Variants in CHRM2 observed in about 807,000 individuals in gnomAD.
CHRM2 encodes the protein muscarinic acetylcholine receptor M2.
Under a neutral mutation model 25.0 loss-of-function variants are expected in CHRM2, and 8 were observed. That is an observed-to-expected ratio of 0.32 (90% CI 0.19 to 0.58). The LOEUF (loss-of-function observed/expected upper bound fraction) is 0.58. Ranked by LOEUF, CHRM2 falls within the 20% of genes least tolerant of loss-of-function variation. CHRM2 has a pLI of 0.88. For missense variants in CHRM2, 440 were observed against 567.1 expected, an observed-to-expected ratio of 0.78 and a Z score of 2.28; for synonymous variants, 202 against 205.7, an observed-to-expected ratio of 0.98 and a Z score of 0.15.
At chr7:136,930,951 A>G (rs1479220469) in intron 2 of CHRM2, among the ~76,000 whole-genome samples, 1 of 148,918 alleles carries the variant, frequency 6.7e-6, no homozygotes, top group East Asian at 2.0e-4. Flanking sequence ...CTTACCACAT[A>G]TTACCTCTTT....
At chr7:136,920,026 T>C (rs1202876714) in intron 2 of CHRM2, among the ~76,000 whole-genome samples, 3 of 152,104 alleles carry the variant, frequency 2.0e-5, no homozygotes, top group African/African-American at 4.8e-5. Context: ...GAAAATGCAA[T>C]GTAGTGAAGC....
At chr7:136,894,496 C>G (rs191386887) in intron 2 of CHRM2, among the ~76,000 whole-genome samples, 165 of 152,090 alleles carry the variant, frequency 1.1e-3, no homozygotes, top group African/African-American at 3.9e-3. Flanking sequence ...CTCAGCCTCC[C>G]GAGTAGGTGA....
intron 2 of CHRM2, among the ~76,000 whole-genome samples, chr7:136,912,830 A>T (rs1482712725): frequency 6.6e-6 from 1 of 152,014 alleles, no homozygotes; most frequent in Non-Finnish European, 1.5e-5. Context: ...CATACACAGC[A>T]TTAATGTATC....
intron 2 of CHRM2, among the ~76,000 whole-genome samples, chr7:136,922,739 C>T (rs943704268): frequency 6.6e-6 from 1 of 152,166 alleles, no homozygotes; most frequent in Non-Finnish European, 1.5e-5. Context: ...CTTTCCTGAG[C>T]AACTAGGAGC....
intron 3 of CHRM2, among the ~76,000 whole-genome samples, chr7:136,992,984 A>C (rs1803330686): frequency 6.6e-6 from 1 of 152,168 alleles, no homozygotes; most frequent in Admixed American, 6.6e-5. Flanking sequence ...CTGATTGTAC[A>C]CGTTAATTAT....
intron 2 of CHRM2, among the ~76,000 whole-genome samples, chr7:136,939,263 C>A (rs1204897595): frequency 6.6e-6 from 1 of 152,178 alleles, no homozygotes; most frequent in African/African-American, 2.4e-5. Flanking sequence ...TTTATGTCTC[C>A]TTTCCTAGGC....
intron 2 of CHRM2, among the ~76,000 whole-genome samples, chr7:136,892,247 T>C (rs1002073454): frequency 1.3e-5 from 2 of 152,256 alleles, no homozygotes; most frequent in Admixed American, 1.3e-4. Context: ...ACATCAGTTA[T>C]TTTTCTTGTT....
chr7:136,899,645 C>A (rs935947898), intron 2 of CHRM2: 2 of 152,068 alleles, frequency 1.3e-5, no homozygotes, highest in African/African-American at 4.8e-5. Context: ...GACTATTCCA[C>A]TACTCTCTTT....
In CHRM2 at chr7:136,886,487, G is replaced by A. The variant is rs572534139; in HGVS notation, c.-125+17069G>A. Among the ~76,000 whole-genome samples, 12 of 152,272 alleles carry A rather than the reference G, an allele frequency of 7.9e-5. No homozygotes were observed. The East Asian group carries it at 2.1e-3, about 27-fold the overall frequency. ...GTACTTCAAAGTGTAATTTCTTGTC[G>A]ATCTAAGGCAAGGTGTGTGAAACAC... On this transcript the variant is annotated intron_variant, in intron 2 of 3. Transcript: ENST00000680005.
At chr7:136,971,626 A>AG (rs1274777023) in intron 2 of CHRM2, among the ~76,000 whole-genome samples, 1 of 151,586 alleles carries the variant, frequency 6.6e-6, no homozygotes, top group East Asian at 1.9e-4. Flanking sequence ...CACAAAAAAA[A>AG]AAAAAAAAAA....
chr7:136,927,379 G>T (rs549616507), intron 2 of CHRM2, among the ~76,000 whole-genome samples: 1 of 152,108 alleles, frequency 6.6e-6, no homozygotes, highest in African/African-American at 2.4e-5. Context: ...CTCACTCCTT[G>T]TGTGTAAGTA....
chr7:136,996,172 T>C (rs1465452396), intron 3 of CHRM2, among the ~76,000 whole-genome samples: 1 of 151,964 alleles, frequency 6.6e-6, no homozygotes, highest in East Asian at 1.9e-4. Context: ...ATAGTTTATA[T>C]AAATTACAGT....
intron 2 of CHRM2, chr7:136,871,316 G>A (rs1244902142): frequency 6.6e-6 from 1 of 152,364 alleles, no homozygotes; most frequent in Non-Finnish European, 1.5e-5. Context: ...CAGCGCTGCA[G>A]GCCGCCCGCG....
rs143652590 is a variant in CHRM2 at position 136,920,859 on chromosome 7, T to C, written c.-125+51441T>C. ...AGCTTTCCACCATCACCTTCACATT[T>C]CTTGTTACTATCACGAAAAATTCTC... On this transcript the variant is annotated intron_variant, in intron 2 of 3. Transcript: ENST00000680005. Among the ~76,000 whole-genome samples the C allele has an allele frequency of 2.8e-3, 423 of 152,176 alleles. 1 individual carries two copies. The highest frequency in any genetic ancestry group is 5.0e-3 in the Non-Finnish European group (342 of 68,008).
At chr7:136,965,658 C>T (rs1801370204) in intron 2 of CHRM2, among the ~76,000 whole-genome samples, 1 of 151,922 alleles carries the variant, frequency 6.6e-6, no homozygotes, top group South Asian at 2.1e-4. Context: ...CCTACAGACA[C>T]AAAAATTAAT....
intron 3 of CHRM2, among the ~76,000 whole-genome samples, chr7:137,011,213 GTGTATA>G (rs1563125260): frequency 8.6e-6 from 1 of 115,996 alleles, no homozygotes; most frequent in East Asian, 2.1e-4. Context: ...GTGTGTGTGT[GTGTATA>G]TATATATATA....
intron 2 of CHRM2, among the ~76,000 whole-genome samples, chr7:136,949,341 G>A (rs1800254079): frequency 6.6e-6 from 1 of 151,732 alleles, no homozygotes; most frequent in African/African-American, 2.4e-5. Flanking sequence ...CTCCAGCTGG[G>A]CACTATGATT....
At chr7:136,903,334 T>A (rs775531233) in intron 2 of CHRM2, 1 of 447,780 alleles carries the variant, frequency 2.2e-6, no homozygotes, top group South Asian at 1.8e-5. Flanking sequence ...TCTTCTATAG[T>A]GTATGTGCAA....
chr7:136,924,659 G>A lies in CHRM2; in HGVS notation c.-125+55241G>A, dbSNP rs960787491. 3.4e-4 allele frequency among the ~76,000 whole-genome samples: 51 copies of A among 152,114 alleles called. 1 individual carries two copies. Among genetic ancestry groups the A allele is most frequent in the Admixed American group, 1.3e-4 (2 of 15,258 alleles). On this transcript the variant is annotated intron_variant, in intron 2 of 3. Transcript: ENST00000680005. The stretch of plus-strand genomic sequence containing the variant: ...TTTGTCAGTGGAAGTGATTCAAACA[G>A]CTACACAGGCAGACTCCCCATACAA...
Sources: allele counts gnomAD v4.1 joint callset (sites outside exome capture counted in the v4.1 genomes callset), GRCh38; gene constraint gnomAD v4.1.1; transcripts MANE v1.5; gene names NCBI Gene and HGNC (gene_info 2026-07-23, HGNC 2026-07-21).